Variants in AMOTL1 observed in about 807,000 individuals in gnomAD.
AMOTL1 encodes the protein angiomotin-like protein 1.
AMOTL1 carries 45 observed loss-of-function variants against 102.9 expected under a neutral mutation model. The observed-to-expected ratio is 0.44, with a 90% CI of 0.34 to 0.56. The LOEUF is 0.56. Ranked by LOEUF, AMOTL1 falls within the 20% of genes least tolerant of loss-of-function variation. AMOTL1 has a pLI of 0.01. For missense variants in AMOTL1, 1,114 were observed against 1,225.6 expected (o/e 0.91, Z 1.36); for synonymous variants, 481 against 484.7 (o/e 0.99, Z 0.10).
At chr11:94,745,002 C>T (rs1380359970) in intron 3 of AMOTL1, among the ~76,000 whole-genome samples, 1 of 151,936 alleles carries the variant, frequency 6.6e-6, no homozygotes, top group African/African-American at 2.4e-5. Flanking sequence ...AATTTATTAT[C>T]TTTATCCCAG....
At chr11:94,765,675 G>A (rs1950847106), upstream of AMOTL1, among the ~76,000 whole-genome samples, 1 of 152,146 alleles carries the variant, frequency 6.6e-6, no homozygotes. Context: ...GCACTTCATT[G>A]CAGGTCTAAG....
At position 94,852,165 on chromosome 11, in the gene AMOTL1, A is replaced by G. The variant is rs115826411; in HGVS notation, c.1795-1768A>G. ...AGGAACCTTCACTTAGTAGGTCTTCAGAAGCCAGTGGAATTGAGCAATCAA... is the reference window on the plus strand; with the variant it reads ...AGGAACCTTCACTTAGTAGGTCTTCGGAAGCCAGTGGAATTGAGCAATCAA... On this transcript the variant is annotated intron_variant, in intron 7 of 12. Transcript: ENST00000433060. 7.8e-3 allele frequency among the ~76,000 whole-genome samples: 1,185 copies of G among 152,350 alleles called. 16 individuals carry two copies. Among genetic ancestry groups the G allele is most frequent in the African/African-American group, 0.027 (1,119 of 41,576 alleles).
chr11:94,857,108 C>G (rs1456921586), intron 8 of AMOTL1, among the ~76,000 whole-genome samples: 1 of 152,168 alleles, frequency 6.6e-6, no homozygotes, highest in Non-Finnish European at 1.5e-5. Flanking sequence ...GAAAAGTAGC[C>G]TAGAGTAAGT....
chr11:94,870,007 ATC>A (rs1952964179), intron 12 of AMOTL1, among the ~76,000 whole-genome samples: 1 of 152,206 alleles, frequency 6.6e-6, no homozygotes. Flanking sequence ...GGGAGAGGTG[ATC>A]TTTGCAGTGA....
At position 94,874,146 on chromosome 11, in the gene AMOTL1, G is replaced by A. The variant is rs1953055232; in HGVS notation, c.*3351G>A. 6.6e-6 allele frequency: 1 copy of A among 152,224 alleles called. No homozygotes were observed. Among genetic ancestry groups the A allele is most frequent in the South Asian group, 2.1e-4 (1 of 4,828 alleles). The allele number at this position is 152,224 out of a possible 1,614,324, so 9.4% of individuals were successfully genotyped here. A position where few individuals can be genotyped will look rare whatever the true frequency, so the allele number is the denominator to read the frequency against. The stretch of plus-strand genomic sequence containing the variant: ...GATATTATATGGAACTGGAGAAGTT[G>A]GAGTCAGGTCTCTGAAGCTAGAGTT... On this transcript the variant is annotated 3_prime_UTR_variant, in exon 13 of 13. Coordinates refer to ENST00000433060, the MANE Select transcript of AMOTL1 (RefSeq NM_130847.3).
At chr11:94,797,671 C>T (rs2084560683) in intron 2 of AMOTL1, among the ~76,000 whole-genome samples, 1 of 152,190 alleles carries the variant, frequency 6.6e-6, no homozygotes, top group South Asian at 2.1e-4. Flanking sequence ...ATAATTTTCC[C>T]AAGAGATATG....
intron 5 of AMOTL1, among the ~76,000 whole-genome samples, chr11:94,830,763 T>C (rs139517094): frequency 1.1e-4 from 16 of 152,332 alleles, no homozygotes; most frequent in African/African-American, 3.6e-4. Context: ...TGAGTTAACC[T>C]ATAAATGTTA....
chr11:94,783,930 T>TG (rs1407437265), intron 1 of AMOTL1, among the ~76,000 whole-genome samples: 1 of 152,164 alleles, frequency 6.6e-6, no homozygotes, highest in Non-Finnish European at 1.5e-5. Flanking sequence ...TGTTTTGTTT[T>TG]TTTTTTTCTG....
At chr11:94,757,437 C>A (rs578240809) in intron 3 of AMOTL1, among the ~76,000 whole-genome samples, 5 of 152,196 alleles carry the variant, frequency 3.3e-5, no homozygotes, top group African/African-American at 9.6e-5. Context: ...TGATTCCAGG[C>A]CCATCTGGCT....
intron 3 of AMOTL1, among the ~76,000 whole-genome samples, chr11:94,745,588 T>C (rs540304646): frequency 6.6e-6 from 1 of 152,296 alleles, no homozygotes; most frequent in South Asian, 2.1e-4. Flanking sequence ...AAAATTTAGT[T>C]TGAATTCTCT....
chr11:94,811,266 G>A (rs1951676826), intron 3 of AMOTL1, among the ~76,000 whole-genome samples: 1 of 152,098 alleles, frequency 6.6e-6, no homozygotes, highest in South Asian at 2.1e-4. Flanking sequence ...GCTGCAGCAG[G>A]TGGAATGGCT....
intron 3 of AMOTL1, among the ~76,000 whole-genome samples, chr11:94,754,918 A>C (rs1018388704): frequency 2.6e-5 from 4 of 152,196 alleles, no homozygotes; most frequent in African/African-American, 9.7e-5. Flanking sequence ...TTCAGATCCA[A>C]CTGGTGTTTC....
chr11:94,791,378 G>A (rs1266925960), intron 1 of AMOTL1, among the ~76,000 whole-genome samples: 1 of 152,214 alleles, frequency 6.6e-6, no homozygotes, highest in Admixed American at 6.5e-5. Context: ...ACTCCCCAGA[G>A]AGCTGACTCC....
intron 6 of AMOTL1, among the ~76,000 whole-genome samples, chr11:94,848,720 C>T (rs191354873): frequency 6.1e-4 from 93 of 152,252 alleles, no homozygotes; most frequent in African/African-American, 2.1e-3. Context: ...TTCCTGTGAT[C>T]CTTTCTGGCT....
At chr11:94,791,982 G>T (rs1265021214) in intron 1 of AMOTL1, among the ~76,000 whole-genome samples, 1 of 152,098 alleles carries the variant, frequency 6.6e-6, no homozygotes, top group Non-Finnish European at 1.5e-5. Flanking sequence ...GTGTGGCCCC[G>T]GAATCTGGGG....
intron 6 of AMOTL1, among the ~76,000 whole-genome samples, chr11:94,842,586 C>A (rs1325297272): frequency 6.6e-6 from 1 of 152,232 alleles, no homozygotes; most frequent in African/African-American, 2.4e-5. Flanking sequence ...GGCTTTACCT[C>A]ATTTTCCCAT....
At position 94,810,831 on chromosome 11, in the gene AMOTL1, G is replaced by GACACAC. The variant is rs3995610; in HGVS notation, c.1121+10553_1121+10558dup. Among the ~76,000 whole-genome samples, 244 of 143,754 alleles carry GACACAC rather than the reference G, an allele frequency of 1.7e-3. 1 individual carries two copies. Among genetic ancestry groups the GACACAC allele is most frequent in the African/African-American group, 5.6e-3 (218 of 38,764 alleles). 94.3% of individuals were successfully genotyped at this position (143,754 alleles called of 152,430 possible). ...AAGATCCTAGGAGAGAAAAATAAAAGACACACACACACACACACACACACA... is the reference window on the plus strand; with the variant it reads ...AAGATCCTAGGAGAGAAAAATAAAAGACACACACACACACACACACACACACACACA... On this transcript the variant is annotated intron_variant, in intron 3 of 12. Transcript: ENST00000433060.
At chr11:94,795,258 C>A in intron 2 of AMOTL1, 98 bp downstream of exon 2, 1 of 1,435,136 alleles carries the variant, frequency 7.0e-7, no homozygotes, top group Non-Finnish European at 9.5e-7. Context: ...ATTCTCTAAT[C>A]TTGTTTTTTA....
rs548175262 is a variant in AMOTL1 at position 94,842,847 on chromosome 11, T to C, written c.1649-7267T>C. Among the ~76,000 whole-genome samples the C allele has an allele frequency of 5.9e-5, 9 of 152,300 alleles. No individual in the cohort carries two copies. The South Asian group carries it at 1.7e-3, about 28-fold the overall frequency. On this transcript the variant is annotated intron_variant, in intron 6 of 12. Transcript: ENST00000433060. ...TTCTCTCCCTTCCCTCCCTTCCCTG[T>C]CCCTCTCCCAGGGTTCTGCAGAACA...
Sources: allele counts gnomAD v4.1 joint callset (sites outside exome capture counted in the v4.1 genomes callset), GRCh38; gene constraint gnomAD v4.1.1; transcripts MANE v1.5; gene names NCBI Gene and HGNC (gene_info 2026-07-23, HGNC 2026-07-21).